SEC14L4: variants seen among roughly 807,000 people sequenced by gnomAD.
The protein encoded by SEC14L4 is SEC14-like protein 4.
A neutral mutation model predicts 55.1 loss-of-function variants in SEC14L4; 42 were observed. That is an observed-to-expected ratio of 0.76 (90% CI 0.60 to 0.99). The LOEUF (loss-of-function observed/expected upper bound fraction) is 0.99, where lower values mean the gene tolerates loss of function less well. Ranked by LOEUF, SEC14L4 falls within the 50% of genes least tolerant of loss-of-function variation. The pLI, the probability that SEC14L4 is intolerant of heterozygous loss-of-function variation, is 0.00. For missense variants in SEC14L4, 445 were observed against 512.1 expected (o/e 0.87, Z 1.27); for synonymous variants, 206 against 206.8 (o/e 1.00, Z 0.03).
chr22:30,489,798 G>A lies in SEC14L4; in HGVS notation c.*309C>T, dbSNP rs1935891464. On this transcript the variant is annotated 3_prime_UTR_variant, in exon 12 of 12. Transcript: ENST00000255858. ...GGGTGGCTGGATCTTGTCAAGATGG[G>A]TGAAAGGGCAGCTTCTGCAAGCAGG... 7.5e-6 allele frequency: 11 copies of A among 1,465,512 alleles called. No individual in the cohort carries two copies. Among genetic ancestry groups the A allele is most frequent in the Non-Finnish European group, 1.0e-5 (11 of 1,068,352 alleles). The allele number at this position is 1,465,512 out of a possible 1,614,324, so 90.8% of individuals were successfully genotyped here.
intron 2 of SEC14L4, among the ~76,000 whole-genome samples, chr22:30,500,304 C>T (rs1936279724): frequency 6.6e-6 from 1 of 152,076 alleles, no homozygotes; most frequent in South Asian, 2.1e-4. Context: ...TTTCTTCTTG[C>T]TGGATTTTGG....
At position 30,505,649 on chromosome 22, in the gene SEC14L4, C is replaced by T. The variant is rs201453119; in HGVS notation, c.-38G>A. On this transcript the variant is annotated 5_prime_UTR_variant, in exon 1 of 12. Transcript: ENST00000255858. The stretch of plus-strand genomic sequence containing the variant: ...CGCAGAAAGGCTCAGGGCGCAGGTC[C>T]GCCCGCCCGCCGCCGCCTGGCCTTG... The T allele has an allele frequency of 1.3e-6, 2 of 1,514,010 alleles. No individual in the cohort carries two copies. Among genetic ancestry groups the T allele is most frequent in the Non-Finnish European group, 8.8e-7 (1 of 1,134,260 alleles). The allele number at this position is 1,514,010 out of a possible 1,614,324, so 93.8% of individuals were successfully genotyped here.
chr22:30,497,912 A>T (rs2146188817), intron 2 of SEC14L4, among the ~76,000 whole-genome samples: 1 of 152,244 alleles, frequency 6.6e-6, no homozygotes. Context: ...AGCAATAGAA[A>T]CGTGGCAAGT....
chr22:30,501,235 GCCATGCCAGCAGGTC>G (rs1437829762), intron 2 of SEC14L4, among the ~76,000 whole-genome samples: 1 of 152,050 alleles, frequency 6.6e-6, no homozygotes, highest in African/African-American at 2.4e-5. Flanking sequence ...GGACGACGGG[GCCATGCCAGCAGGTC>G]CCATCACCCA....
At chr22:30,502,569 G>T (rs1936363736) in intron 2 of SEC14L4, among the ~76,000 whole-genome samples, 1 of 152,094 alleles carries the variant, frequency 6.6e-6, no homozygotes, top group South Asian at 2.1e-4. Context: ...TTATTATTTT[G>T]AGATGGGGTT....
chr22:30,493,596 ATAAG>A (rs1569242015), intron 7 of SEC14L4, among the ~76,000 whole-genome samples: 5 of 152,348 alleles, frequency 3.3e-5, no homozygotes, highest in East Asian at 1.9e-4. Context: ...CCACACTGAC[ATAAG>A]TAAGTAACAG....
intron 11 of SEC14L4, 128 bp downstream of exon 11, chr22:30,491,445 C>T (rs1014973021): frequency 3.8e-6 from 4 of 1,039,712 alleles, no homozygotes; most frequent in Admixed American, 2.3e-5. Flanking sequence ...TCATCTGATC[C>T]ATGGCCCCAA....
At chr22:30,495,002 G>T (rs187197841) in intron 5 of SEC14L4, 41 bp from the exon 6 acceptor site, 5 of 1,555,512 alleles carry the variant, frequency 3.2e-6, no homozygotes, top group Non-Finnish European at 4.4e-6. Flanking sequence ...GACAGCTCCA[G>T]CCAGGAGATC....
intron 2 of SEC14L4, among the ~76,000 whole-genome samples, chr22:30,500,760 T>TTTTTTTTTTTTG: frequency 7.8e-6 from 1 of 128,582 alleles, no homozygotes; most frequent in African/African-American, 3.1e-5. Context: ...CAGAATTTTT[T>TTTTTTTTTTTTG]TTTTTTTTTT....
intron 5 of SEC14L4, 75 bp downstream of exon 5, chr22:30,495,179 G>T: frequency 7.2e-7 from 1 of 1,382,818 alleles, no homozygotes; most frequent in Non-Finnish European, 9.7e-7. Context: ...CTGGGGAGGG[G>T]CAGGGTGCCA....
chr22:30,496,179 G>A (rs1936144121), intron 2 of SEC14L4, among the ~76,000 whole-genome samples: 1 of 152,152 alleles, frequency 6.6e-6, no homozygotes, highest in South Asian at 2.1e-4. Context: ...AGAGTGCAGT[G>A]ATGTGATCAT....
Position 30,495,594 on chromosome 22 carries a change from G to A in SEC14L4, c.223C>T (p.Gln75Ter), listed in dbSNP as rs1422839171. The change falls in exon 4 of 12, where the codon CAG (glutamine) becomes TAG (stop). Residue 75 changes from glutamine to a stop codon, truncating the protein, a stop_gained. Transcript: ENST00000255858. LOFTEE classifies it high-confidence loss of function. ...TGCTCGAGGCTCACCTCAGGGGGCT[G>A]CCATGTGACAATGTTGTCCAGGTCT... ...QQDLDNIVTW[Q>*]PPEVIQLYDS... 3 of 1,613,888 alleles carry A rather than the reference G, an allele frequency of 1.9e-6. No individual in the cohort carries two copies. The African/African-American group carries it at 4.0e-5, about 22-fold the overall frequency.
rs746389928 is a variant in SEC14L4, at chr22:30,492,464, C to T, written c.664+10G>A. ...GCAGATGGACACAACCAGGGGGCCA[C>T]GTCGCTCACCTCCCAGAATCACAAT... is the stretch of plus-strand genomic sequence containing the variant. On this transcript the variant is annotated intron_variant, in intron 8 of 11. Transcript: ENST00000255858. 8.7e-6 allele frequency: 14 copies of T among 1,611,294 alleles called. No individual in the cohort carries two copies. The highest frequency in any genetic ancestry group is 7.7e-5 in the South Asian group (7 of 91,024).
chr22:30,502,678 G>A (rs1485226845), intron 2 of SEC14L4, among the ~76,000 whole-genome samples: 1 of 152,112 alleles, frequency 6.6e-6, no homozygotes, highest in African/African-American at 2.4e-5. Context: ...AGCCTCCTGA[G>A]TAGCTGGGAT....
intron 1 of SEC14L4, among the ~76,000 whole-genome samples, 172 bp from the exon 2 acceptor site, chr22:30,503,924 T>C (rs1239977510): frequency 4.6e-5 from 7 of 151,914 alleles, no homozygotes; most frequent in Non-Finnish European, 7.4e-5. Flanking sequence ...CAGCCCAACA[T>C]AGGAAAAAGA....
In SEC14L4 at chr22:30,501,848, T is replaced by C. The variant is rs1307969191; in HGVS notation, c.130+1829A>G. On this transcript the variant is annotated intron_variant, in intron 2 of 11. Transcript: ENST00000255858. ...ATATATATATACACACACACGCACA[T>C]ATATATATATATATATATATATATA... Among the ~76,000 whole-genome samples, 240 of 38,084 alleles carry C rather than the reference T, an allele frequency of 6.3e-3. 1 individual carries two copies. The highest frequency in any genetic ancestry group is 0.017 in the African/African-American group (186 of 10,964). The allele number at this position is 38,084 out of a possible 152,430, so 25.0% of individuals were successfully genotyped here.
At chr22:30,495,514 A>G in intron 4 of SEC14L4, 69 bp downstream of exon 4, 1 of 1,609,678 alleles carries the variant, frequency 6.2e-7, no homozygotes, top group Non-Finnish European at 8.5e-7. Flanking sequence ...AGGTGGCTGG[A>G]CGTGGTAGGT....
chr22:30,503,623 A>C, intron 2 of SEC14L4, 54 bp downstream of exon 2: 1 of 1,329,194 alleles, frequency 7.5e-7, no homozygotes, highest in Non-Finnish European at 1.1e-6. Context: ...TCCTCTCCTG[A>C]GACCCTCCTT....
intron 2 of SEC14L4, among the ~76,000 whole-genome samples, chr22:30,496,769 T>C (rs1321896071): frequency 6.6e-6 from 1 of 152,202 alleles, no homozygotes; most frequent in Admixed American, 6.6e-5. Context: ...TGAGATAATG[T>C]ATAGAAAGTG....
Sources: allele counts gnomAD v4.1 joint callset (sites outside exome capture counted in the v4.1 genomes callset), GRCh38; gene constraint gnomAD v4.1.1; transcripts MANE v1.5; gene names NCBI Gene and HGNC (gene_info 2026-07-23, HGNC 2026-07-21).